RSPO2: variants seen among roughly 807,000 people sequenced by gnomAD.
RSPO2 encodes the protein R-spondin-2.
A neutral mutation model predicts 30.9 loss-of-function variants in RSPO2; 14 were observed. The observed-to-expected ratio is 0.45, with a 90% CI of 0.30 to 0.71. RSPO2 has a LOEUF of 0.71. Among genes scored for constraint, RSPO2 ranks in the 30% least tolerant of loss-of-function variants. The pLI is 0.08. For missense variants in RSPO2, 264 were observed against 301.9 expected (o/e 0.87, Z 0.93); for synonymous variants, 107 against 96.4 (o/e 1.11, Z -0.64).
chr8:108,024,930 G>T (rs182142124), intron 2 of RSPO2, among the ~76,000 whole-genome samples: 3 of 152,134 alleles, frequency 2.0e-5, no homozygotes, highest in African/African-American at 7.2e-5. Flanking sequence ...TGAGGTAGGA[G>T]GACTGCTTGA....
At chr8:107,959,981 T>C (rs1158780397) in intron 4 of RSPO2, among the ~76,000 whole-genome samples, 1 of 152,100 alleles carries the variant, frequency 6.6e-6, no homozygotes, top group Non-Finnish European at 1.5e-5. Flanking sequence ...AATGAAATTC[T>C]GGGGAGGGGG....
At chr8:108,072,319 CTTT>C (rs34402426) in intron 2 of RSPO2, among the ~76,000 whole-genome samples, 1 of 84,274 alleles carries the variant, frequency 1.2e-5, no homozygotes, top group Non-Finnish European at 2.2e-5. Context: ...TGGCAGAGAA[CTTT>C]TTTTTTTTTT....
At chr8:107,998,947 T>C (rs950927383) in intron 2 of RSPO2, among the ~76,000 whole-genome samples, 2 of 152,166 alleles carry the variant, frequency 1.3e-5, no homozygotes, top group Non-Finnish European at 2.9e-5. Flanking sequence ...CTCAGGAGGC[T>C]GAGACAGAAT....
chr8:108,063,332 G>C (rs1433773386), intron 2 of RSPO2, among the ~76,000 whole-genome samples: 2 of 151,784 alleles, frequency 1.3e-5, no homozygotes, highest in Admixed American at 6.6e-5. Context: ...CTTCAGCAAA[G>C]TCTCAGGATA....
intron 2 of RSPO2, among the ~76,000 whole-genome samples, chr8:108,046,348 C>T (rs370859703): frequency 1.3e-4 from 20 of 152,226 alleles, no homozygotes; most frequent in African/African-American, 4.3e-4. Flanking sequence ...ATTTTTCTCA[C>T]ACCACATACA....
intron 5 of RSPO2, among the ~76,000 whole-genome samples, chr8:107,920,257 C>T (rs1032021484): frequency 9.2e-5 from 14 of 152,092 alleles, no homozygotes; most frequent in African/African-American, 3.1e-4. Flanking sequence ...TTATAAAAAC[C>T]TTCTCATTTA....
At chr8:107,991,581 A>G (rs1814849865) in intron 2 of RSPO2, among the ~76,000 whole-genome samples, 1 of 152,212 alleles carries the variant, frequency 6.6e-6, no homozygotes, top group Admixed American at 6.5e-5. Flanking sequence ...TCTGTACAGC[A>G]AAAGAAAATA....
intron 5 of RSPO2, among the ~76,000 whole-genome samples, chr8:107,939,359 T>C (rs1452788885): frequency 6.6e-6 from 1 of 151,776 alleles, no homozygotes; most frequent in Non-Finnish European, 1.5e-5. Flanking sequence ...AGCTGATTTA[T>C]CACAAGCTGA....
At chr8:108,064,493 G>T (rs1812593431) in intron 2 of RSPO2, among the ~76,000 whole-genome samples, 1 of 152,170 alleles carries the variant, frequency 6.6e-6, no homozygotes, top group Non-Finnish European at 1.5e-5. Flanking sequence ...ACACCATTTA[G>T]AATGGCAATC....
chr8:107,980,650 T>C lies in RSPO2; in HGVS notation c.283+8406A>G, dbSNP rs541756030. 2.3e-4 allele frequency among the ~76,000 whole-genome samples: 35 copies of C among 152,300 alleles called. No individual in the cohort carries two copies. In the South Asian group the frequency reaches 3.7e-3, roughly 16 times the overall value. On this transcript the variant is annotated intron_variant, in intron 3 of 5. Transcript: ENST00000276659. ...ACTTATCTCCAGGTCTTCTATCAGG[T>C]CTTGTCACTGGTCCTTTCACCCCTC... is the stretch of plus-strand genomic sequence containing the variant.
intron 4 of RSPO2, among the ~76,000 whole-genome samples, chr8:107,960,251 A>G (rs1813582487): frequency 6.6e-6 from 1 of 152,028 alleles, no homozygotes; most frequent in Non-Finnish European, 1.5e-5. Context: ...TTTCTTTTCA[A>G]GTTTTTTTTT....
At chr8:108,057,741 C>A (rs1812302488) in intron 2 of RSPO2, among the ~76,000 whole-genome samples, 1 of 152,090 alleles carries the variant, frequency 6.6e-6, no homozygotes. Context: ...TATGTGTATT[C>A]CTAGTTCTAT....
intron 5 of RSPO2, among the ~76,000 whole-genome samples, chr8:107,947,759 T>C (rs1813112392): frequency 6.6e-6 from 1 of 152,232 alleles, no homozygotes; most frequent in South Asian, 2.1e-4. Flanking sequence ...AAATGTCTCA[T>C]AGCTCTCCAC....
intron 2 of RSPO2, chr8:107,989,455 G>A: frequency 2.0e-6 from 1 of 491,956 alleles, no homozygotes; most frequent in Admixed American, 4.2e-5. Flanking sequence ...GAAACTCAGA[G>A]GCAGAGTTGA....
intron 5 of RSPO2, among the ~76,000 whole-genome samples, chr8:107,923,705 TA>T (rs1812261653): frequency 2.6e-5 from 4 of 152,100 alleles, no homozygotes; most frequent in African/African-American, 9.7e-5. Flanking sequence ...AAAGAAAATG[TA>T]GTACATATAT....
intron 3 of RSPO2, chr8:107,983,915 G>A: frequency 8.0e-7 from 1 of 1,251,440 alleles, no homozygotes; most frequent in Non-Finnish European, 1.2e-6. Context: ...TCCATCTACA[G>A]AACTTCCTCT....
intron 3 of RSPO2, among the ~76,000 whole-genome samples, chr8:107,977,774 C>T (rs116795732): frequency 0.011 from 1,650 of 152,118 alleles, 32 homozygotes; most frequent in African/African-American, 0.034. Context: ...GTAGCAGTTT[C>T]ACTCCCACCA....
At chr8:108,059,214 G>T (rs1366636834) in intron 2 of RSPO2, among the ~76,000 whole-genome samples, 2 of 151,610 alleles carry the variant, frequency 1.3e-5, no homozygotes, top group African/African-American at 2.4e-5. Flanking sequence ...CTTCTCAAAA[G>T]AAGACATTTA....
chr8:107,935,656 G>C (rs1231822802), intron 5 of RSPO2, among the ~76,000 whole-genome samples: 1 of 152,070 alleles, frequency 6.6e-6, no homozygotes, highest in East Asian at 1.9e-4. Flanking sequence ...AAGGACCTAG[G>C]TTCACTTGTC....
Sources: gnomAD v4.1 joint callset for allele counts (sites outside exome capture counted in the v4.1 genomes callset) on GRCh38, gnomAD v4.1.1 for gene constraint, MANE v1.5 for transcripts, NCBI Gene and HGNC (gene_info 2026-07-23, HGNC 2026-07-21) for gene names.